Variants in CHD8 observed in about 807,000 individuals in gnomAD.
CHD8 encodes chromodomain helicase DNA binding protein 8, also known as ATP-dependent chromatin remodeler CHD8.
A neutral mutation model predicts 279.2 loss-of-function variants in CHD8; 31 were observed. That is an observed-to-expected ratio of 0.11 (90% CI 0.08 to 0.15). The LOEUF is 0.15. Ranked by LOEUF, CHD8 falls within the 10% of genes least tolerant of loss-of-function variation. CHD8 has a pLI of 1.00. For synonymous variants in CHD8, 1,081 were observed against 1,139.6 expected (o/e 0.95, Z 1.04); for missense variants, 2,146 against 3,230.5 (o/e 0.66, Z 8.14).
intron 1 of CHD8, among the ~76,000 whole-genome samples, chr14:21,440,487 G>GT (rs1456857922): frequency 6.6e-6 from 1 of 152,154 alleles, no homozygotes; most frequent in Non-Finnish European, 1.5e-5. Context: ...GATTACAGGT[G>GT]TGAGCCACCG....
intron 5 of CHD8, among the ~76,000 whole-genome samples, chr14:21,422,873 T>C (rs1594369255): frequency 6.6e-6 from 1 of 150,810 alleles, no homozygotes; most frequent in South Asian, 2.1e-4. Context: ...AGGTTGCAGT[T>C]AGCCAAGATC....
At chr14:21,435,673 C>A (rs906450104) in intron 1 of CHD8, among the ~76,000 whole-genome samples, 1 of 152,080 alleles carries the variant, frequency 6.6e-6, no homozygotes, top group Non-Finnish European at 1.5e-5. Flanking sequence ...TTCTGGGAAC[C>A]GAGGGTGGAG....
chr14:21,440,092 G>A (rs1889918281), intron 1 of CHD8, among the ~76,000 whole-genome samples: 2 of 152,148 alleles, frequency 1.3e-5, no homozygotes. Flanking sequence ...GTAAAGAGTA[G>A]GCAGTATGAC....
At chr14:21,417,037 T>C (rs1051969531) in intron 5 of CHD8, among the ~76,000 whole-genome samples, 12 of 151,872 alleles carry the variant, frequency 7.9e-5, no homozygotes, top group African/African-American at 2.7e-4. Flanking sequence ...GGGGTGGAGG[T>C]TGCAGTGAGC....
chr14:21,418,553 C>T (rs757325543), intron 5 of CHD8, among the ~76,000 whole-genome samples: 7 of 151,894 alleles, frequency 4.6e-5, no homozygotes, highest in Non-Finnish European at 7.4e-5. Flanking sequence ...CGGTGGCCCA[C>T]GCCTGTAATC....
rs1887604083 is a variant in CHD8 at position 21,392,759 on chromosome 14, T to C, written c.6519A>G (p.Ser2173=). Residue 2173 remains serine (S), a synonymous_variant, in exon 34 of 38, where the codon TCA becomes TCG. Coordinates refer to ENST00000646647, the MANE Select transcript of CHD8 (RefSeq NM_001170629.2). ...TCCTACGGCTAGAAGGCCACTTCCC[T>C]GAGAGTACAGCCTGGCAGACGAGGT... ...RIDLVCQAVL[S]GKWPSSRRSQ... is the part of the protein sequence containing the mutation. The C allele has an allele frequency of 5.6e-6, 9 of 1,613,828 alleles. No homozygotes were observed. The highest frequency in any genetic ancestry group is 1.3e-5 in the African/African-American group (1 of 74,894).
chr14:21,405,616 G>T lies in CHD8; in HGVS notation c.3051+105C>A. The T allele has an allele frequency of 6.8e-7, 1 of 1,471,148 alleles. No individual in the cohort carries two copies. The allele number at this position is 1,471,148 out of a possible 1,614,324, so 91.1% of individuals were successfully genotyped here. On this transcript the variant is annotated intron_variant, in intron 15 of 37. Transcript: ENST00000646647. This position sits in a 1 kb window ranked among gnomAD's most constrained non-coding sequence, Gnocchi z 4.2. ...AAATGATGTAGGCACAAGGTTATAAGGAGTTCAGAAAGGCCCTTGAGATAC... is the reference window on the plus strand; with the variant it reads ...AAATGATGTAGGCACAAGGTTATAATGAGTTCAGAAAGGCCCTTGAGATAC...
At chr14:21,437,059 T>TGGGGGGG in intron 1 of CHD8, 1 of 87,396 alleles carries the variant, frequency 1.1e-5, no homozygotes, top group Admixed American at 2.6e-4. Context: ...GACGGGAAGA[T>TGGGGGGG]GCGGGGGGTG....
At chr14:21,443,874 A>AC (rs1407110092) in intron 1 of CHD8, among the ~76,000 whole-genome samples, 1 of 151,848 alleles carries the variant, frequency 6.6e-6, no homozygotes, top group Non-Finnish European at 1.5e-5. Flanking sequence ...AAAAAAAAAA[A>AC]AAAAACAACA....
At position 21,386,106 on chromosome 14, in the gene CHD8, C is replaced by A; in HGVS notation, c.7253G>T (p.Arg2418Leu). ...AAGGTCTGGTCGCATCCTACGGGCC[C>A]GCTTCTTGCTGCTCTCTGGTGCAAT... is the stretch of plus-strand genomic sequence containing the variant. ...GPIAPESSKKRARRMRPDLSK... is the reference protein window; with the variant it reads ...GPIAPESSKKLARRMRPDLSK... The change falls in exon 38 of 38, where the codon CGG (arginine) becomes CTG (leucine). Residue 2418 changes from arginine (R) to leucine (L), a missense_variant. Physicochemically the swap from Arg to Leu is moderately radical, Grantham distance 102 (BLOSUM62 -2). Around this residue, in one of 26 missense-constraint regions of CHD8, gnomAD observed 336 missense variants for 392.9 expected, o/e 0.86. Transcript: ENST00000646647. The A allele has an allele frequency of 1.3e-6, 2 of 1,556,820 alleles. No individual in the cohort carries two copies. Among genetic ancestry groups the A allele is most frequent in the Non-Finnish European group, 8.7e-7 (1 of 1,149,752 alleles).
intron 1 of CHD8, among the ~76,000 whole-genome samples, chr14:21,433,151 G>T (rs1487201138): frequency 6.6e-6 from 1 of 152,110 alleles, no homozygotes; most frequent in Non-Finnish European, 1.5e-5. Context: ...AACAGTTAAT[G>T]AATTATACTT....
intron 1 of CHD8, among the ~76,000 whole-genome samples, chr14:21,451,535 G>GTAC (rs1366420548): frequency 3.4e-5 from 4 of 118,100 alleles, no homozygotes; most frequent in Non-Finnish European, 4.8e-5. Context: ...TCGCTCCATT[G>GTAC]TACTCCAGCC....
Position 21,402,644 on chromosome 14 carries a change from G to T in CHD8, c.3715-141C>A. Reference sequence around the variant, plus strand: ...ACTCAAAACCAAGAGTCAATTTCAAGATGAAATTATCACCCCATCATGTAG... The same window carrying T: ...ACTCAAAACCAAGAGTCAATTTCAATATGAAATTATCACCCCATCATGTAG... On this transcript the variant is annotated intron_variant, in intron 18 of 37. Coordinates refer to ENST00000646647, the MANE Select transcript of CHD8 (RefSeq NM_001170629.2). This position sits in a 1 kb window ranked among gnomAD's most constrained non-coding sequence, Gnocchi z 4.5. 1 of 826,306 alleles carries T rather than the reference G, an allele frequency of 1.2e-6. No homozygotes were observed. Among genetic ancestry groups the T allele is most frequent in the Non-Finnish European group, 1.8e-6 (1 of 545,836 alleles). 51.2% of individuals were successfully genotyped at this position (826,306 alleles called of 1,614,324 possible).
chr14:21,387,737 C>T (rs1011529344), intron 37 of CHD8, among the ~76,000 whole-genome samples: 1 of 136,640 alleles, frequency 7.3e-6, no homozygotes, highest in African/African-American at 2.8e-5. Flanking sequence ...ACCCAGGAGG[C>T]GGAGGTTGCA....
intron 13 of CHD8, among the ~76,000 whole-genome samples, chr14:21,407,604 T>C (rs1243667672): frequency 1.3e-5 from 2 of 152,108 alleles, no homozygotes; most frequent in African/African-American, 4.8e-5. Context: ...AAAAAGGAAC[T>C]GATCCTTTTT....
intron 33 of CHD8, 110 bp from the exon 34 acceptor site, chr14:21,392,919 A>G (rs761054962): frequency 1.2e-5 from 16 of 1,285,586 alleles, no homozygotes; most frequent in Non-Finnish European, 1.7e-5. Context: ...ATCATAAGGC[A>G]GAAAAGAGGA....
At position 21,394,924 on chromosome 14, in the gene CHD8, T is replaced by C. The variant is rs1290479939; in HGVS notation, c.5378A>G (p.Glu1793Gly). The part of the protein sequence containing the change: ...AFKLKEIARR[E>G]KQQRWTRREQ... Reference sequence around the variant, plus strand: ...AGCTATATTTTACCGTTGTTGTTTCTCCCGCCGTGCAATTTCTTTCAGCTT... The same window carrying C: ...AGCTATATTTTACCGTTGTTGTTTCCCCCGCCGTGCAATTTCTTTCAGCTT... Residue 1793 changes from glutamate to glycine, a missense_variant, in exon 30 of 38, where the codon GAG (glutamate) becomes GGG (glycine). Physicochemically the swap from Glu to Gly is moderately conservative, Grantham distance 98. Coordinates refer to ENST00000646647, the MANE Select transcript of CHD8 (RefSeq NM_001170629.2). The C allele has an allele frequency of 6.2e-7, 1 of 1,613,734 alleles. No individual in the cohort carries two copies. The highest frequency in any genetic ancestry group is 8.5e-7 in the Non-Finnish European group (1 of 1,179,746).
intron 5 of CHD8, chr14:21,419,636 A>G (rs1888923508): frequency 5.6e-6 from 1 of 179,360 alleles, no homozygotes; most frequent in South Asian, 8.5e-5. Flanking sequence ...AGGGACAGCA[A>G]CTGCAGCCAG....
At chr14:21,415,191 AG>A (rs897088567) in intron 7 of CHD8, 198 bp from the exon 8 acceptor site, 1 of 533,346 alleles carries the variant, frequency 1.9e-6, no homozygotes. Flanking sequence ...CACTCTAAAC[AG>A]GTAAGTAAAA....
Sources: allele counts gnomAD v4.1 joint callset (sites outside exome capture counted in the v4.1 genomes callset), GRCh38; gene constraint gnomAD v4.1.1; regional missense constraint gnomAD v4.1.1; non-coding constraint Gnocchi (gnomAD v3.1); transcripts MANE v1.5; gene names NCBI Gene and HGNC (gene_info 2026-07-23, HGNC 2026-07-21).